The following GPC6 variants were observed in gnomAD, a reference collection of about 807,000 sequenced individuals.
GPC6 encodes glypican-6.
GPC6 carries 14 observed loss-of-function variants against 55.2 expected under a neutral mutation model. The ratio of observed to expected loss-of-function variants is 0.25; its 90% CI spans 0.17 to 0.40. GPC6 has a LOEUF of 0.40. Among genes scored for constraint, GPC6 ranks in the 10% least tolerant of loss-of-function variants. The probability of loss-of-function intolerance (pLI) is 1.00; values close to 1 mark genes in which losing one functional copy is unlikely to be tolerated. For synonymous variants in GPC6, 278 were observed against 259.6 expected, an observed-to-expected ratio of 1.07 and a Z score of -0.68; for missense variants, 641 against 708.5, an observed-to-expected ratio of 0.90 and a Z score of 1.08.
At chr13:93,996,853 A>G (rs1044400022) in intron 3 of GPC6, among the ~76,000 whole-genome samples, 27 of 152,326 alleles carry the variant, frequency 1.8e-4, no homozygotes, top group African/African-American at 5.8e-4. Flanking sequence ...ATAGTTATAC[A>G]TATAGAATTG....
intron 5 of GPC6, among the ~76,000 whole-genome samples, chr13:94,295,004 T>A (rs1875246876): frequency 6.6e-6 from 1 of 152,178 alleles, no homozygotes; most frequent in South Asian, 2.1e-4. Context: ...CTGAGTTGAA[T>A]TCAGAACATG....
intron 4 of GPC6, among the ~76,000 whole-genome samples, chr13:94,206,423 G>A (rs564724865): frequency 3.9e-5 from 6 of 152,074 alleles, no homozygotes; most frequent in African/African-American, 9.6e-5. Flanking sequence ...AGTAGTGTTC[G>A]TTTAATTTTC....
intron 1 of GPC6, among the ~76,000 whole-genome samples, chr13:93,387,358 T>A (rs570273567): frequency 6.6e-6 from 1 of 152,224 alleles, no homozygotes; most frequent in African/African-American, 2.4e-5. Flanking sequence ...CAGTGTGTGA[T>A]GCTCCTCTCT....
intron 1 of GPC6, among the ~76,000 whole-genome samples, chr13:93,531,115 A>G (rs947574965): frequency 1.3e-5 from 2 of 152,112 alleles, no homozygotes; most frequent in East Asian, 1.9e-4. Context: ...GATGAGTGCC[A>G]TTGTAGACCT....
chr13:93,472,132 C>T (rs1169057439), intron 1 of GPC6, among the ~76,000 whole-genome samples: 3 of 152,134 alleles, frequency 2.0e-5, no homozygotes, highest in African/African-American at 7.2e-5. Context: ...TTTTTAATGT[C>T]CTTTCCTGTG....
At chr13:94,275,831 C>A (rs967699515) in intron 4 of GPC6, among the ~76,000 whole-genome samples, 2 of 151,960 alleles carry the variant, frequency 1.3e-5, no homozygotes, top group African/African-American at 4.8e-5. Flanking sequence ...AAAAGATGTC[C>A]AACCTTCCCT....
intron 3 of GPC6, among the ~76,000 whole-genome samples, chr13:93,957,973 A>G (rs1196866271): frequency 1.3e-5 from 2 of 152,150 alleles, no homozygotes; most frequent in Non-Finnish European, 2.9e-5. Flanking sequence ...AGTGATGATG[A>G]CCATTTTTCC....
At chr13:94,043,299 A>G (rs537896013) in intron 4 of GPC6, among the ~76,000 whole-genome samples, 1 of 151,976 alleles carries the variant, frequency 6.6e-6, no homozygotes, top group Admixed American at 6.6e-5. Flanking sequence ...ATACACTAGG[A>G]AATATGTGTA....
At chr13:93,249,830 G>A (rs187578819) in intron 1 of GPC6, among the ~76,000 whole-genome samples, 5 of 152,264 alleles carry the variant, frequency 3.3e-5, no homozygotes, top group Non-Finnish European at 5.9e-5. Context: ...ATATACATAT[G>A]TTGCAACTCT....
At chr13:93,312,649 C>G (rs1879113390) in intron 1 of GPC6, among the ~76,000 whole-genome samples, 1 of 152,034 alleles carries the variant, frequency 6.6e-6, no homozygotes, top group Non-Finnish European at 1.5e-5. Context: ...AGTCAATATG[C>G]CTATAGTGAA....
intron 1 of GPC6, among the ~76,000 whole-genome samples, chr13:93,503,517 G>A (rs7322845): frequency 0.87 from 131,899 of 152,198 alleles, 57,714 homozygotes; most frequent in Non-Finnish European, 0.92. Flanking sequence ...CTGCAAGAGG[G>A]ATTTTTCCTC....
Position 94,309,628 on chromosome 13 carries a change from G to A in GPC6, c.1152+3505G>A, listed in dbSNP as rs141197133. On this transcript the variant is annotated intron_variant, in intron 6 of 8. Coordinates refer to ENST00000377047, the MANE Select transcript of GPC6 (RefSeq NM_005708.5). ...CAGTTGAGGTAGTCAGAAGCTTTCA[G>A]ACATACTACCCTAAAGTGGTTTGTG... is the stretch of plus-strand genomic sequence containing the variant. Among the ~76,000 whole-genome samples, 180 of 151,914 alleles carry A rather than the reference G, an allele frequency of 1.2e-3. 2 individuals are homozygous for A. The East Asian group carries it at 0.03, about 25-fold the overall frequency.
chr13:93,956,134 T>C (rs1879497099), intron 3 of GPC6, among the ~76,000 whole-genome samples: 1 of 152,070 alleles, frequency 6.6e-6, no homozygotes, highest in Non-Finnish European at 1.5e-5. Flanking sequence ...CCTGCTGTCT[T>C]TGCTTGACCT....
At chr13:93,359,168 G>A (rs1297697887) in intron 1 of GPC6, among the ~76,000 whole-genome samples, 4 of 151,858 alleles carry the variant, frequency 2.6e-5, no homozygotes, top group African/African-American at 9.7e-5. Flanking sequence ...GTCTCAGCAT[G>A]TTGCCCAGGC....
chr13:93,348,586 G>A (rs948310178), intron 1 of GPC6, among the ~76,000 whole-genome samples: 1 of 152,156 alleles, frequency 6.6e-6, no homozygotes, highest in African/African-American at 2.4e-5. Flanking sequence ...ATTTGGTCAA[G>A]CATTTTACTC....
chr13:93,944,758 A>G (rs1878917786), intron 3 of GPC6, among the ~76,000 whole-genome samples: 1 of 152,124 alleles, frequency 6.6e-6, no homozygotes, highest in Non-Finnish European at 1.5e-5. Context: ...TTCTTTGCAC[A>G]TTTGATTATG....
chr13:93,300,540 T>C (rs956564144), intron 1 of GPC6, among the ~76,000 whole-genome samples: 6 of 149,836 alleles, frequency 4.0e-5, no homozygotes, highest in African/African-American at 1.5e-4. Context: ...CCCAGCTACT[T>C]GGGAGGCTGA....
intron 7 of GPC6, among the ~76,000 whole-genome samples, chr13:94,392,247 G>T (rs1481252268): frequency 6.6e-6 from 1 of 151,884 alleles, no homozygotes; most frequent in African/African-American, 2.4e-5. Flanking sequence ...AGCAAGGAAG[G>T]TTAGCCTGGT....
intron 2 of GPC6, among the ~76,000 whole-genome samples, chr13:93,637,473 A>G (rs1234694123): frequency 6.6e-6 from 1 of 152,162 alleles, no homozygotes; most frequent in Non-Finnish European, 1.5e-5. Flanking sequence ...AGGTCTTTTG[A>G]AATTTCTCTA....
Sources: gnomAD v4.1 joint callset for allele counts (sites outside exome capture counted in the v4.1 genomes callset) on GRCh38, gnomAD v4.1.1 for gene constraint, MANE v1.5 for transcripts, NCBI Gene and HGNC (gene_info 2026-07-23, HGNC 2026-07-21) for gene names.